SLC30A7: variants seen among roughly 807,000 people sequenced by gnomAD.
SLC30A7 encodes zinc transporter 7.
SLC30A7 carries 35 observed loss-of-function variants against 46.0 expected under a neutral mutation model. The ratio of observed to expected loss-of-function variants is 0.76; its 90% CI spans 0.58 to 1.01. The LOEUF (loss-of-function observed/expected upper bound fraction) is 1.01, where lower values mean the gene tolerates loss of function less well. Among genes scored for constraint, SLC30A7 ranks in the 50% least tolerant of loss-of-function variants. SLC30A7 has a pLI of 0.00. For synonymous variants in SLC30A7, 147 were observed against 157.8 expected (o/e 0.93, Z 0.51); for missense variants, 464 against 451.1 (o/e 1.03, Z -0.26).
downstream of SLC30A7, among the ~76,000 whole-genome samples, chr1:100,983,061 C>A (rs574620670): frequency 1.1e-3 from 164 of 152,302 alleles, 1 homozygote; most frequent in Non-Finnish European, 2.0e-3. Context: ...CCAGTTTCCA[C>A]TTGCAGTCCT....
At chr1:100,937,364 A>T (rs1002096209) in intron 8 of SLC30A7, among the ~76,000 whole-genome samples, 1 of 152,206 alleles carries the variant, frequency 6.6e-6, no homozygotes, top group African/African-American at 2.4e-5. Flanking sequence ...TCTTTTCCAT[A>T]GCTGCCACAC....
At chr1:100,944,521 T>TA (rs1654519956) in intron 8 of SLC30A7, among the ~76,000 whole-genome samples, 1 of 152,166 alleles carries the variant, frequency 6.6e-6, no homozygotes, top group South Asian at 2.1e-4. Context: ...TTTATTTTGT[T>TA]ATACTTTAAG....
In SLC30A7 at chr1:100,918,030, G is replaced by C. The variant is rs764596711; in HGVS notation, c.656-47G>C. The C allele has an allele frequency of 9.2e-6, 14 of 1,516,074 alleles. No homozygotes were observed. In the Admixed American group the frequency reaches 2.4e-4, roughly 26 times the overall value. The allele number at this position is 1,516,074 out of a possible 1,614,324, so 93.9% of individuals were successfully genotyped here. A position where few individuals can be genotyped will look rare whatever the true frequency, so the allele number is the denominator to read the frequency against. ...AAAGGACTCTGAATTGTAAAAACTT[G>C]AATGAGGAATTGAAAACATGTTTTA... is the stretch of plus-strand genomic sequence containing the variant. On this transcript the variant is annotated intron_variant, in intron 6 of 10. Coordinates refer to ENST00000357650, the MANE Select transcript of SLC30A7 (RefSeq NM_133496.5).
At position 100,976,648 on chromosome 1, in the gene SLC30A7, T is replaced by C. The variant is rs1468471290; in HGVS notation, c.*1791T>C. The C allele has an allele frequency of 6.6e-6, 1 of 152,526 alleles. No individual in the cohort carries two copies. Among genetic ancestry groups the C allele is most frequent in the African/African-American group, 2.4e-5 (1 of 41,450 alleles). 9.4% of individuals were successfully genotyped at this position (152,526 alleles called of 1,614,324 possible). A position where few individuals can be genotyped will look rare whatever the true frequency, so the allele number is the denominator to read the frequency against. On this transcript the variant is annotated 3_prime_UTR_variant, in exon 11 of 11. Coordinates refer to ENST00000357650, the MANE Select transcript of SLC30A7 (RefSeq NM_133496.5). ...AAACCCTGCAGGATGGAAACAATTATTAAGAATGTAGATCAATAAGTACTT... is the reference window on the plus strand; with the variant it reads ...AAACCCTGCAGGATGGAAACAATTACTAAGAATGTAGATCAATAAGTACTT...
intron 9 of SLC30A7, among the ~76,000 whole-genome samples, chr1:100,964,130 AT>A (rs1655701538): frequency 6.6e-6 from 1 of 151,944 alleles, no homozygotes; most frequent in Non-Finnish European, 1.5e-5. Flanking sequence ...AAGGTATAAA[AT>A]AATCTTTTGA....
chr1:100,963,318 G>A (rs1428562379), intron 9 of SLC30A7, among the ~76,000 whole-genome samples: 2 of 152,160 alleles, frequency 1.3e-5, no homozygotes, highest in Non-Finnish European at 2.9e-5. Flanking sequence ...CCAGAAGAGT[G>A]TAGGATCACA....
chr1:100,953,178 T>C (rs1655049100), intron 8 of SLC30A7, among the ~76,000 whole-genome samples: 1 of 152,188 alleles, frequency 6.6e-6, no homozygotes, highest in African/African-American at 2.4e-5. Context: ...TCCTGAGGCC[T>C]CCTACTCATG....
Position 100,965,750 on chromosome 1 carries a change from T to A in SLC30A7, c.934-19T>A, listed in dbSNP as rs766944995. ...GCTTAACTTGATTATGATGTTAATA[T>A]CTCTCCTTTATATTTCAGGTACAGC... On this transcript the variant is annotated intron_variant, in intron 9 of 10. Transcript: ENST00000357650. 3.7e-6 allele frequency: 6 copies of A among 1,607,486 alleles called. No homozygotes were observed. The East Asian group carries it at 1.1e-4, about 30-fold the overall frequency.
At chr1:100,900,009 TGAGA>T (rs34930575) in intron 2 of SLC30A7, among the ~76,000 whole-genome samples, 2 of 148,894 alleles carry the variant, frequency 1.3e-5, no homozygotes, top group African/African-American at 4.9e-5. Flanking sequence ...AAGTGGGACT[TGAGA>T]GAGAGAGAGA....
At chr1:100,909,993 G>C (rs1228323841) in intron 3 of SLC30A7, among the ~76,000 whole-genome samples, 1 of 151,990 alleles carries the variant, frequency 6.6e-6, no homozygotes, top group East Asian at 1.9e-4. Flanking sequence ...GTTTTGACAA[G>C]TAATACGTTA....
At chr1:100,915,868 C>CA in intron 6 of SLC30A7, among the ~76,000 whole-genome samples, 1 of 152,204 alleles carries the variant, frequency 6.6e-6, no homozygotes, top group East Asian at 1.9e-4. Context: ...ATAGTGTCTG[C>CA]ACCAGTTTAC....
At chr1:100,929,091 A>AGT (rs1222636280) in intron 8 of SLC30A7, among the ~76,000 whole-genome samples, 8 of 135,734 alleles carry the variant, frequency 5.9e-5, no homozygotes, top group Admixed American at 3.0e-4. Flanking sequence ...CTATATATAG[A>AGT]GAGTGTGTGT....
chr1:100,976,237 A>G lies in SLC30A7; in HGVS notation c.*1380A>G, dbSNP rs1656496460. On this transcript the variant is annotated 3_prime_UTR_variant, in exon 11 of 11. Coordinates refer to ENST00000357650, the MANE Select transcript of SLC30A7 (RefSeq NM_133496.5). ...AAAGGCATTGGAGACTGAAGGCAGA[A>G]ATGGTTGTGACAGTGCTGTTTGGCT... 1 of 152,210 alleles carries G rather than the reference A, an allele frequency of 6.6e-6. No individual in the cohort carries two copies. The highest frequency in any genetic ancestry group is 2.1e-4 in the South Asian group (1 of 4,830). 9.4% of individuals were successfully genotyped at this position (152,210 alleles called of 1,614,324 possible). A position where few individuals can be genotyped will look rare whatever the true frequency, so the allele number is the denominator to read the frequency against.
intron 7 of SLC30A7, among the ~76,000 whole-genome samples, chr1:100,920,292 A>G (rs1652859551): frequency 6.6e-6 from 1 of 151,994 alleles, no homozygotes; most frequent in Non-Finnish European, 1.5e-5. Context: ...GGGACCTTCA[A>G]TCTGCTTTGA....
At chr1:100,990,103 A>G in the SLC30A7 span, 2 of 359,894 alleles carry the variant, frequency 5.6e-6, no homozygotes, top group Admixed American at 4.3e-5. Flanking sequence ...ACAGTTCCAC[A>G]TGGCTGGGAA....
intron 8 of SLC30A7, among the ~76,000 whole-genome samples, chr1:100,927,226 C>T (rs1047801105): frequency 6.6e-6 from 1 of 151,970 alleles, no homozygotes; most frequent in Admixed American, 6.6e-5. Context: ...TATTCTGAGA[C>T]CGAGTATTGA....
chr1:100,993,702 A>G, the SLC30A7 span, among the ~76,000 whole-genome samples: 8 of 150,238 alleles, frequency 5.3e-5, no homozygotes, highest in African/African-American at 2.0e-4. Flanking sequence ...CATATATAGA[A>G]TCAAGTTTTC....
intron 8 of SLC30A7, among the ~76,000 whole-genome samples, chr1:100,935,614 A>T (rs1298263146): frequency 5.3e-5 from 8 of 152,208 alleles, no homozygotes; most frequent in Admixed American, 2.0e-4. Flanking sequence ...AGGTTTTTAA[A>T]GCCAACTTTG....
chr1:100,964,517 G>A (rs972088844), intron 9 of SLC30A7, among the ~76,000 whole-genome samples: 9 of 151,774 alleles, frequency 5.9e-5, no homozygotes, highest in East Asian at 3.9e-4. Context: ...AAATGCTAGC[G>A]GCTGAATCAG....
Sources: gnomAD v4.1 joint callset for allele counts (sites outside exome capture counted in the v4.1 genomes callset) on GRCh38, gnomAD v4.1.1 for gene constraint, MANE v1.5 for transcripts, NCBI Gene and HGNC (gene_info 2026-07-23, HGNC 2026-07-21) for gene names.